The following MYO9A variants were observed in gnomAD, a reference collection of about 807,000 sequenced individuals.
MYO9A encodes the protein myosin IXA, also known as unconventional myosin-IXa.
A neutral mutation model predicts 293.3 loss-of-function variants in MYO9A; 103 were observed. That is an observed-to-expected ratio of 0.35 (90% CI 0.30 to 0.41). The LOEUF is 0.41. Among genes scored for constraint, MYO9A ranks in the 10% least tolerant of loss-of-function variants. The probability of loss-of-function intolerance (pLI) is 1.00; values close to 1 mark genes in which losing one functional copy is unlikely to be tolerated. For synonymous variants in MYO9A, 1,001 were observed against 1,035.7 expected (o/e 0.97, Z 0.64); for missense variants, 2,685 against 3,033.0 (o/e 0.89, Z 2.69).
At chr15:71,992,082 A>C (rs138285658) in intron 10 of MYO9A, among the ~76,000 whole-genome samples, 221 of 152,238 alleles carry the variant, frequency 1.5e-3, no homozygotes, top group African/African-American at 4.6e-3. Context: ...AAAGTTAAAA[A>C]TATTTATTAA....
rs546933302 is a variant in MYO9A at position 71,856,387 on chromosome 15, T to C, written c.6154-1818A>G. Among the ~76,000 whole-genome samples, 66 of 151,926 alleles carry C rather than the reference T, an allele frequency of 4.3e-4. 2 individuals carry two copies. In the Middle Eastern group the frequency reaches 0.014, roughly 31 times the overall value. Reference sequence around the variant, plus strand: ...AAAATTATAAATAGATTAACTATTATGGAAACACAGAAGAGAGACAACTAG... The same window carrying C: ...AAAATTATAAATAGATTAACTATTACGGAAACACAGAAGAGAGACAACTAG... On this transcript the variant is annotated intron_variant, in intron 34 of 41. Coordinates refer to ENST00000356056, the MANE Select transcript of MYO9A (RefSeq NM_006901.4).
In MYO9A at chr15:71,935,450, C is replaced by T; in HGVS notation, c.2413G>A (p.Gly805Arg). The T allele has an allele frequency of 6.2e-7, 1 of 1,613,480 alleles. No individual in the cohort carries two copies. The highest frequency in any genetic ancestry group is 8.5e-7 in the Non-Finnish European group (1 of 1,179,622). ...TFDIAWNGRT[G>R]IRQSRLSSGT... ...CTTGATAGTCTGCTCTGGCGAATCCCAGTTCTGCCATTCCAGGCAATATCA... is the reference window on the plus strand; with the variant it reads ...CTTGATAGTCTGCTCTGGCGAATCCTAGTTCTGCCATTCCAGGCAATATCA... The change falls in exon 17 of 42, where the codon GGG (glycine) becomes AGG (arginine). Residue 805 changes from glycine to arginine, a missense_variant. Physicochemically the swap from Gly to Arg is moderately radical, Grantham distance 125. Around this residue, in one of 10 missense-constraint regions of MYO9A, gnomAD observed 1,434 missense variants for 1,497.7 expected, o/e 0.96. Transcript: ENST00000356056.
chr15:72,109,063 G>T (rs980312798), intron 1 of MYO9A, among the ~76,000 whole-genome samples: 1 of 152,010 alleles, frequency 6.6e-6, no homozygotes, highest in Non-Finnish European at 1.5e-5. Context: ...GCACCCAGCC[G>T]CAACTTACTT....
chr15:71,934,185 T>C (rs1404501468), intron 17 of MYO9A, among the ~76,000 whole-genome samples: 2 of 152,148 alleles, frequency 1.3e-5, no homozygotes, highest in Non-Finnish European at 2.9e-5. Flanking sequence ...AATACCATAC[T>C]TAAATCAAGT....
chr15:72,073,633 C>G (rs1012925063), intron 1 of MYO9A, among the ~76,000 whole-genome samples: 2 of 151,964 alleles, frequency 1.3e-5, no homozygotes, highest in East Asian at 1.9e-4. Context: ...AGCAAAAGTC[C>G]CTGGGGAGTT....
At chr15:71,978,337 A>C (rs758092220) in intron 11 of MYO9A, 45 bp from the exon 12 acceptor site, 2 of 1,531,156 alleles carry the variant, frequency 1.3e-6, no homozygotes, top group Admixed American at 1.9e-5. Flanking sequence ...CATCTTGCAG[A>C]AAATAGGTAT....
chr15:71,870,209 A>C (rs554508559), intron 32 of MYO9A, among the ~76,000 whole-genome samples: 1 of 152,094 alleles, frequency 6.6e-6, no homozygotes, highest in African/African-American at 2.4e-5. Context: ...TCATGGTAAA[A>C]GTGGTTAAAA....
intron 1 of MYO9A, chr15:72,114,165 T>A (rs1054934139): frequency 1.1e-4 from 17 of 152,146 alleles, no homozygotes; most frequent in African/African-American, 3.9e-4. Flanking sequence ...TTCCCTTGTG[T>A]ATGGTTCCTT....
chr15:71,996,616 T>C (rs1192764644), intron 9 of MYO9A, among the ~76,000 whole-genome samples: 1 of 152,206 alleles, frequency 6.6e-6, no homozygotes, highest in Non-Finnish European at 1.5e-5. Flanking sequence ...GCAGGACTCA[T>C]CCTTGACACC....
At chr15:72,015,727 G>A (rs1037183389) in intron 6 of MYO9A, among the ~76,000 whole-genome samples, 4 of 134,664 alleles carry the variant, frequency 3.0e-5, no homozygotes, top group Non-Finnish European at 4.6e-5. Flanking sequence ...TCGCTCTGTC[G>A]CCCAGGATGG....
At chr15:72,030,297 A>G (rs895739648) in intron 3 of MYO9A, among the ~76,000 whole-genome samples, 4 of 152,182 alleles carry the variant, frequency 2.6e-5, no homozygotes, top group African/African-American at 9.7e-5. Flanking sequence ...AAGTATAGAA[A>G]CTGATGCTGA....
rs767384569 is a variant in MYO9A at position 71,901,194 on chromosome 15, G to T, written c.3147C>A (p.Ile1049=). The T allele has an allele frequency of 1.4e-5, 23 of 1,610,480 alleles. No homozygotes were observed. Among genetic ancestry groups the T allele is most frequent in the Non-Finnish European group, 1.7e-6 (2 of 1,178,898 alleles). Residue 1049 remains isoleucine (I), a synonymous_variant, in exon 23 of 42, where the codon ATC becomes ATA. Transcript: ENST00000356056. ...CAAAGAATCCTTTGCTTCTCACCTG[G>T]ATAATAACAGATGCTTGTCTCAGAT... ...FLHLRQASVI[I]QRFWRNYLNQ... is the part of the protein sequence containing the mutation.
intron 9 of MYO9A, 76 bp downstream of exon 9, chr15:71,999,775 A>C: frequency 8.5e-7 from 1 of 1,175,316 alleles, no homozygotes; most frequent in South Asian, 1.5e-5. Context: ...CATGCTGTTA[A>C]GAGAAAACCC....
At chr15:72,101,253 GC>G (rs1324093474) in intron 1 of MYO9A, among the ~76,000 whole-genome samples, 14 of 124,536 alleles carry the variant, frequency 1.1e-4, no homozygotes, top group Admixed American at 6.2e-4. Flanking sequence ...GGGGGGGTCA[GC>G]CCCCCGCCCG....
At chr15:72,030,903 A>G (rs1193501092) in intron 3 of MYO9A, among the ~76,000 whole-genome samples, 1 of 152,194 alleles carries the variant, frequency 6.6e-6, no homozygotes, top group Non-Finnish European at 1.5e-5. Flanking sequence ...CCCCCAGGGC[A>G]TGGACTCGTA....
intron 1 of MYO9A, among the ~76,000 whole-genome samples, chr15:72,068,486 CTT>C (rs11345971): frequency 4.8e-4 from 69 of 144,482 alleles, no homozygotes; most frequent in Non-Finnish European, 5.5e-4. Context: ...CCCAATTTCT[CTT>C]TTTTTTTTTT....
intron 12 of MYO9A, among the ~76,000 whole-genome samples, chr15:71,970,938 C>G (rs879647701): frequency 3.3e-5 from 5 of 151,474 alleles, no homozygotes; most frequent in Non-Finnish European, 7.4e-5. Context: ...GCGGGTGGAT[C>G]ACAAGGTCAG....
chr15:72,021,105 G>C lies in MYO9A; in HGVS notation c.999-88C>G, dbSNP rs542842662. On this transcript the variant is annotated intron_variant, in intron 4 of 41. Transcript: ENST00000356056. ...GGAGGGGGGAAGCAAACAGTAATTA[G>C]TAAAATGTATCAGCTTTGCTTCATT... is the stretch of plus-strand genomic sequence containing the variant. 6.7e-6 allele frequency: 5 copies of C among 749,120 alleles called. No individual in the cohort carries two copies. The Admixed American group carries it at 1.6e-4, about 23-fold the overall frequency. 46.4% of individuals were successfully genotyped at this position (749,120 alleles called of 1,614,324 possible).
At chr15:71,885,384 C>G (rs889060641) in intron 27 of MYO9A, among the ~76,000 whole-genome samples, 1 of 152,068 alleles carries the variant, frequency 6.6e-6, no homozygotes, top group African/African-American at 2.4e-5. Flanking sequence ...AAAATTTGCT[C>G]ATGAAAACTG....
Sources: gnomAD v4.1 joint callset for allele counts (sites outside exome capture counted in the v4.1 genomes callset) on GRCh38, gnomAD v4.1.1 for gene constraint, gnomAD v4.1.1 regional missense constraint, MANE v1.5 for transcripts, NCBI Gene and HGNC (gene_info 2026-07-23, HGNC 2026-07-21) for gene names.